AK8: variants seen among roughly 807,000 people sequenced by gnomAD.
AK8 encodes adenylate kinase 8.
In AK8, 44 loss-of-function variants were observed where a neutral mutation model predicts 54.6. The observed-to-expected ratio is 0.81, with a 90% CI of 0.63 to 1.04. AK8 has a LOEUF of 1.04. Ranked by LOEUF, AK8 falls within the 50% of genes least tolerant of loss-of-function variation. AK8 has a pLI of 0.00. For missense variants in AK8, 555 were observed against 613.6 expected (o/e 0.90, Z 1.01); for synonymous variants, 239 against 245.6 (o/e 0.97, Z 0.25).
chr9:132,802,345 CCCCTCCCTG>C (rs1413972568), intron 10 of AK8, among the ~76,000 whole-genome samples: 3 of 152,218 alleles, frequency 2.0e-5, no homozygotes, highest in Non-Finnish European at 4.4e-5. Flanking sequence ...GTGTCTCAAT[CCCCTCCCTG>C]GAACCTGGGC....
intron 11 of AK8, among the ~76,000 whole-genome samples, chr9:132,745,296 A>G (rs1003675813): frequency 2.0e-5 from 3 of 152,226 alleles, no homozygotes; most frequent in South Asian, 4.1e-4. Context: ...CATTTAACTA[A>G]TGGGGAACCG....
At position 132,774,856 on chromosome 9, in the gene AK8, C is replaced by T. The variant is rs551916322; in HGVS notation, c.1121+17778G>A. On this transcript the variant is annotated intron_variant, in intron 11 of 12. Transcript: ENST00000298545. ...TTATCTTCTCCAATGTCTTATTCACCGCTGGCTTAGGCCGAACTGTTACCG... is the reference window on the plus strand; with the variant it reads ...TTATCTTCTCCAATGTCTTATTCACTGCTGGCTTAGGCCGAACTGTTACCG... 2.8e-4 allele frequency among the ~76,000 whole-genome samples: 43 copies of T among 152,256 alleles called. No individual in the cohort carries two copies. In the South Asian group the frequency reaches 7.9e-3, roughly 28 times the overall value.
chr9:132,754,596 C>A (rs962902611), intron 11 of AK8, among the ~76,000 whole-genome samples: 3 of 152,108 alleles, frequency 2.0e-5, no homozygotes, highest in Admixed American at 6.6e-5. Context: ...CTTGCCGCTG[C>A]CCTCTCTGTG....
At chr9:132,857,740 C>T (rs936522539) in intron 4 of AK8, among the ~76,000 whole-genome samples, 3 of 152,198 alleles carry the variant, frequency 2.0e-5, no homozygotes, top group African/African-American at 4.8e-5. Flanking sequence ...CAAAGAGCAC[C>T]GGCTGAAAGG....
chr9:132,866,987 A>G (rs1843626953), intron 2 of AK8, 34 bp from the exon 3 acceptor site: 1 of 1,608,448 alleles, frequency 6.2e-7, no homozygotes, highest in Admixed American at 1.7e-5. Flanking sequence ...GTCACCACTC[A>G]ACATGACAAG....
At chr9:132,869,637 G>T (rs762436523) in intron 2 of AK8, among the ~76,000 whole-genome samples, 28 of 152,246 alleles carry the variant, frequency 1.8e-4, no homozygotes, top group Non-Finnish European at 3.1e-4. Flanking sequence ...TGTGGCCTGG[G>T]GCAAGGCCTC....
intron 9 of AK8, among the ~76,000 whole-genome samples, chr9:132,816,855 G>C (rs1036019817): frequency 6.6e-6 from 1 of 152,168 alleles, no homozygotes; most frequent in African/African-American, 2.4e-5. Context: ...CTGGGTGGAA[G>C]CAACAAAGAC....
chr9:132,766,830 T>G (rs977856173), intron 11 of AK8, among the ~76,000 whole-genome samples: 5 of 152,152 alleles, frequency 3.3e-5, no homozygotes, highest in Non-Finnish European at 5.9e-5. Context: ...AGTCCATGTA[T>G]TTATAGCCAC....
chr9:132,851,683 G>A (rs954222189), intron 5 of AK8, among the ~76,000 whole-genome samples: 1 of 152,224 alleles, frequency 6.6e-6, no homozygotes, highest in African/African-American at 2.4e-5. Context: ...TGCATGGTCG[G>A]TCACTGCACG....
intron 11 of AK8, among the ~76,000 whole-genome samples, chr9:132,789,090 T>C (rs2131155406): frequency 6.6e-6 from 1 of 151,176 alleles, no homozygotes; most frequent in South Asian, 2.1e-4. Flanking sequence ...AGTCAGGAGA[T>C]CGAGACCATC....
intron 5 of AK8, among the ~76,000 whole-genome samples, chr9:132,838,852 G>C (rs1027442219): frequency 6.6e-6 from 1 of 152,158 alleles, no homozygotes; most frequent in East Asian, 1.9e-4. Context: ...AGTCATGCAG[G>C]TTCAATGGGA....
intron 11 of AK8, among the ~76,000 whole-genome samples, chr9:132,753,008 A>G (rs1040809986): frequency 2.0e-5 from 3 of 152,274 alleles, no homozygotes; most frequent in Non-Finnish European, 4.4e-5. Context: ...GGTGCCTGGC[A>G]AAGAGAAGCC....
rs981710349 is a variant in AK8 at position 132,837,323 on chromosome 9, A to G, written c.403-8597T>C. Among the ~76,000 whole-genome samples, 2 of 151,088 alleles carry G rather than the reference A, an allele frequency of 1.3e-5. No homozygotes were observed. Among genetic ancestry groups the G allele is most frequent in the Admixed American group, 1.3e-4 (2 of 15,158 alleles). On this transcript the variant is annotated intron_variant, in intron 5 of 12. Coordinates refer to ENST00000298545, the MANE Select transcript of AK8 (RefSeq NM_152572.3). The surrounding 1 kb of genome is among the most constrained non-coding windows in gnomAD (Gnocchi z 4.3). ...GACAGAGCAAGACTCCATCTCGAAA[A>G]AAAAAAAAAAAAAAAGAATGAAAGA...
intron 11 of AK8, among the ~76,000 whole-genome samples, chr9:132,762,251 C>G (rs1838511990): frequency 6.6e-6 from 1 of 152,050 alleles, no homozygotes; most frequent in Non-Finnish European, 1.5e-5. Flanking sequence ...TTTGCTCTAC[C>G]CAAGCTCTGT....
intron 10 of AK8, among the ~76,000 whole-genome samples, chr9:132,811,704 G>A (rs769114101): frequency 2.0e-5 from 3 of 152,182 alleles, no homozygotes; most frequent in Non-Finnish European, 2.9e-5. Flanking sequence ...TGGTGGGAGC[G>A]TATGGCAGTA....
chr9:132,779,003 A>G (rs563755369), intron 11 of AK8, among the ~76,000 whole-genome samples: 17 of 152,074 alleles, frequency 1.1e-4, no homozygotes, highest in African/African-American at 4.1e-4. Context: ...CTTCCAAGCC[A>G]ATGAGAAGAA....
intron 2 of AK8, among the ~76,000 whole-genome samples, chr9:132,873,795 C>T (rs909506672): frequency 1.3e-5 from 2 of 152,036 alleles, no homozygotes; most frequent in Admixed American, 6.5e-5. Flanking sequence ...GGCCTGGGGG[C>T]GAGCCTAGGT....
At chr9:132,726,312 TTCC>T (rs1836570080) in intron 12 of AK8, among the ~76,000 whole-genome samples, 1 of 142,952 alleles carries the variant, frequency 7.0e-6, no homozygotes, top group South Asian at 2.5e-4. Flanking sequence ...TCTCTTCTTC[TTCC>T]TTTTTCTTTT....
chr9:132,801,619 C>A (rs958025059), intron 10 of AK8, among the ~76,000 whole-genome samples: 13 of 152,114 alleles, frequency 8.5e-5, no homozygotes, highest in African/African-American at 3.1e-4. Flanking sequence ...GATGCCATAG[C>A]CCACGAAATC....
Sources: gnomAD v4.1 joint callset for allele counts (sites outside exome capture counted in the v4.1 genomes callset) on GRCh38, gnomAD v4.1.1 for gene constraint, Gnocchi (gnomAD v3.1) non-coding constraint, MANE v1.5 for transcripts, NCBI Gene and HGNC (gene_info 2026-07-23, HGNC 2026-07-21) for gene names.